Variants in PPM1G observed in about 807,000 individuals in gnomAD.
The protein encoded by PPM1G is protein phosphatase 1G.
PPM1G carries 12 observed loss-of-function variants against 59.4 expected under a neutral mutation model. That is an observed-to-expected ratio of 0.20 (90% CI 0.13 to 0.33). The LOEUF is 0.33. PPM1G is among the 10% of genes least tolerant of loss of function. The pLI, the probability that PPM1G is intolerant of heterozygous loss-of-function variation, is 1.00. For missense variants in PPM1G, 392 were observed against 681.3 expected (o/e 0.58, Z 4.73); for synonymous variants, 245 against 251.9 (o/e 0.97, Z 0.26).
intron 1 of PPM1G, among the ~76,000 whole-genome samples, chr2:27,392,343 G>A (rs1391741420): frequency 7.1e-6 from 1 of 141,212 alleles, no homozygotes; most frequent in Non-Finnish European, 1.5e-5. Flanking sequence ...CACCCAGGCT[G>A]GAGTACAGTG....
rs1683755057 is a variant in PPM1G, at chr2:27,385,974, C to T, written c.277-95G>A. Reference sequence around the variant, plus strand: ...ATGGAATACAAATTAAGAGTGTGAGCCACCACACTAAGAGACACTCACAGA... The same window carrying T: ...ATGGAATACAAATTAAGAGTGTGAGTCACCACACTAAGAGACACTCACAGA... On this transcript the variant is annotated intron_variant, in intron 3 of 9. Coordinates refer to ENST00000344034, the MANE Select transcript of PPM1G (RefSeq NM_177983.3). This position sits in a 1 kb window ranked among gnomAD's most constrained non-coding sequence, Gnocchi z 4.1. 6.3e-6 allele frequency: 9 copies of T among 1,420,952 alleles called. No homozygotes were observed. The South Asian group carries it at 6.7e-5, about 11-fold the overall frequency. The allele number at this position is 1,420,952 out of a possible 1,614,324, so 88.0% of individuals were successfully genotyped here. A position where few individuals can be genotyped will look rare whatever the true frequency, so the allele number is the denominator to read the frequency against.
At chr2:27,388,858 G>C (rs1439871632) in intron 1 of PPM1G, among the ~76,000 whole-genome samples, 1 of 138,290 alleles carries the variant, frequency 7.2e-6, no homozygotes, top group Non-Finnish European at 1.5e-5. Flanking sequence ...CAGGGCGACA[G>C]AGCAAGACTC....
At position 27,392,102 on chromosome 2, in the gene PPM1G, A is replaced by G. The variant is rs554360388; in HGVS notation, c.121-4944T>C. ...GAAATCAGCAGTCTGCAAAAAAAAA[A>G]AAATCAAGAGCTTCCCCTACAGGTC... is the stretch of plus-strand genomic sequence containing the variant. On this transcript the variant is annotated intron_variant, in intron 1 of 9. Transcript: ENST00000344034. 1.8e-3 allele frequency among the ~76,000 whole-genome samples: 266 copies of G among 151,938 alleles called. 1 individual carries two copies. The highest frequency in any genetic ancestry group is 1.1e-3 in the Non-Finnish European group (77 of 67,942).
At position 27,385,164 on chromosome 2, in the gene PPM1G, C is replaced by T; in HGVS notation, c.410-76G>A. 2.7e-6 allele frequency: 4 copies of T among 1,476,648 alleles called. No homozygotes were observed. Among genetic ancestry groups the T allele is most frequent in the South Asian group, 2.7e-5 (2 of 73,202 alleles). 91.5% of individuals were successfully genotyped at this position (1,476,648 alleles called of 1,614,324 possible). On this transcript the variant is annotated intron_variant, in intron 4 of 9. Coordinates refer to ENST00000344034, the MANE Select transcript of PPM1G (RefSeq NM_177983.3). This position sits in a 1 kb window ranked among gnomAD's most constrained non-coding sequence, Gnocchi z 4.1. ...TCCGTCCCTCTCACTACCTCAACAG[C>T]CCTTGCAGCCTCTAACTTCCCCACA...
intron 1 of PPM1G, among the ~76,000 whole-genome samples, chr2:27,396,287 A>T (rs146852126): frequency 2.6e-5 from 4 of 152,264 alleles, no homozygotes; most frequent in Admixed American, 1.3e-4. Flanking sequence ...AATTTTTTTT[A>T]AATTAGGCAG....
chr2:27,381,367 C>G lies in PPM1G; in HGVS notation c.*232G>C, dbSNP rs1057142852. Reference sequence around the variant, plus strand: ...TCCTTCCCTCCAACACAACAGAGCACAGGCACAGAACCGGTGATGAGCCCG... The same window carrying G: ...TCCTTCCCTCCAACACAACAGAGCAGAGGCACAGAACCGGTGATGAGCCCG... On this transcript the variant is annotated 3_prime_UTR_variant, in exon 10 of 10. Transcript: ENST00000344034. The G allele has an allele frequency of 3.5e-6, 2 of 577,926 alleles. No homozygotes were observed. Among genetic ancestry groups the G allele is most frequent in the Non-Finnish European group, 6.2e-6 (2 of 322,266 alleles). 35.8% of individuals were successfully genotyped at this position (577,926 alleles called of 1,614,324 possible).
intron 1 of PPM1G, among the ~76,000 whole-genome samples, chr2:27,400,258 C>T (rs747575492): frequency 6.6e-5 from 10 of 151,720 alleles, no homozygotes; most frequent in South Asian, 2.1e-4. Context: ...AAAATTTAGC[C>T]GGGTGTGATG....
At chr2:27,405,544 A>G (rs1044577315) in intron 1 of PPM1G, among the ~76,000 whole-genome samples, 2 of 151,222 alleles carry the variant, frequency 1.3e-5, no homozygotes, top group East Asian at 2.0e-4. Flanking sequence ...TATTCAAGCA[A>G]TTCTCTGGCC....
chr2:27,401,046 G>A (rs1684167558), intron 1 of PPM1G, among the ~76,000 whole-genome samples: 2 of 152,158 alleles, frequency 1.3e-5, no homozygotes, highest in Non-Finnish European at 2.9e-5. Flanking sequence ...CAGAGATGGT[G>A]AGTGATAACT....
chr2:27,382,353 G>A lies in PPM1G; in HGVS notation c.1331+123C>T. ...GAAATTCTCAGCTCTGCCTTAGTCTGGGTGCTCTTCACCCACCAAGAGGCC... is the reference window on the plus strand; with the variant it reads ...GAAATTCTCAGCTCTGCCTTAGTCTAGGTGCTCTTCACCCACCAAGAGGCC... On this transcript the variant is annotated intron_variant, in intron 8 of 9. Transcript: ENST00000344034. This position sits in a 1 kb window ranked among gnomAD's most constrained non-coding sequence, Gnocchi z 4.2. 3 of 1,553,474 alleles carry A rather than the reference G, an allele frequency of 1.9e-6. No homozygotes were observed. Among genetic ancestry groups the A allele is most frequent in the Non-Finnish European group, 2.6e-6 (3 of 1,135,994 alleles).
chr2:27,392,617 G>C (rs955543049), intron 1 of PPM1G, among the ~76,000 whole-genome samples: 1 of 150,232 alleles, frequency 6.7e-6, no homozygotes, highest in South Asian at 2.1e-4. Context: ...TTTTTGGGGG[G>C]GGGGAGGGTA....
At chr2:27,389,257 C>A (rs1353632146) in intron 1 of PPM1G, among the ~76,000 whole-genome samples, 1 of 152,152 alleles carries the variant, frequency 6.6e-6, no homozygotes, top group Non-Finnish European at 1.5e-5. Flanking sequence ...TATATACACA[C>A]ACACATACAC....
chr2:27,398,281 A>C (rs964262683), intron 1 of PPM1G, among the ~76,000 whole-genome samples: 2 of 152,122 alleles, frequency 1.3e-5, no homozygotes, highest in East Asian at 1.9e-4. Context: ...TTAAACAAAT[A>C]GTGCTGGGAC....
At chr2:27,402,742 A>G (rs1357146544) in intron 1 of PPM1G, among the ~76,000 whole-genome samples, 2 of 151,714 alleles carry the variant, frequency 1.3e-5, no homozygotes, top group African/African-American at 4.8e-5. Flanking sequence ...CGGGAGGCGG[A>G]GCTTGCAGTA....
Position 27,384,180 on chromosome 2 carries a change from G to A in PPM1G, c.826-88C>T, listed in dbSNP as rs111595830. On this transcript the variant is annotated intron_variant, in intron 5 of 9. Coordinates refer to ENST00000344034, the MANE Select transcript of PPM1G (RefSeq NM_177983.3). This position sits in a 1 kb window ranked among gnomAD's most constrained non-coding sequence, Gnocchi z 4.8. ...TACTCAGAATCAAGAGGTCCTGACT[G>A]AACACAGGTCCTCAAAACACTGAAA... 3.2e-4 allele frequency: 499 copies of A among 1,577,236 alleles called. 4 individuals carry two copies. In the African/African-American group the frequency reaches 5.7e-3, roughly 18 times the overall value.
In PPM1G at chr2:27,381,597, T is replaced by C; in HGVS notation, c.*2A>G. The C allele has an allele frequency of 6.2e-7, 1 of 1,614,128 alleles. No homozygotes were observed. The highest frequency in any genetic ancestry group is 8.5e-7 in the Non-Finnish European group (1 of 1,180,032). Reference sequence around the variant, plus strand: ...CTAGGTGGGCAGGGGTCTGGATGACTGCTAGTCTCGCTTGGCCTTCTTCTT... The same window carrying C: ...CTAGGTGGGCAGGGGTCTGGATGACCGCTAGTCTCGCTTGGCCTTCTTCTT... On this transcript the variant is annotated 3_prime_UTR_variant, in exon 10 of 10. Coordinates refer to ENST00000344034, the MANE Select transcript of PPM1G (RefSeq NM_177983.3).
intron 1 of PPM1G, among the ~76,000 whole-genome samples, chr2:27,403,645 G>GGGAGGC (rs1325823903): frequency 6.6e-6 from 1 of 152,082 alleles, no homozygotes; most frequent in Non-Finnish European, 1.5e-5. Context: ...CCAGCACTTT[G>GGGAGGC]GGAGGCGGAG....
Position 27,409,440 on chromosome 2 carries a change from G to T in PPM1G, c.-18C>A. On this transcript the variant is annotated 5_prime_UTR_variant, in exon 1 of 10. Transcript: ENST00000344034. ...GCACCCATGGCGGCGGCTGGCCGGC[G>T]GCCTCAGGTGCAGGAAAGCTGGGCG... 6.7e-7 allele frequency: 1 copy of T among 1,499,978 alleles called. No homozygotes were observed. Among genetic ancestry groups the T allele is most frequent in the Non-Finnish European group, 8.9e-7 (1 of 1,125,718 alleles). 92.9% of individuals were successfully genotyped at this position (1,499,978 alleles called of 1,614,324 possible). A position where few individuals can be genotyped will look rare whatever the true frequency, so the allele number is the denominator to read the frequency against.
Position 27,398,820 on chromosome 2 carries a change from C to CA in PPM1G, c.120+10482dup, listed in dbSNP as rs1001673545. ...CTGGCAACAGAGCGAGACTCCGTCT[C>CA]AAAAAAAAAAAGAAAAAAAAAGAAA... On this transcript the variant is annotated intron_variant, in intron 1 of 9. Transcript: ENST00000344034. Among the ~76,000 whole-genome samples, 204 of 104,238 alleles carry CA rather than the reference C, an allele frequency of 2.0e-3. 2 individuals are homozygous for CA. Among genetic ancestry groups the CA allele is most frequent in the East Asian group, 0.011 (38 of 3,598 alleles). 68.4% of individuals were successfully genotyped at this position (104,238 alleles called of 152,430 possible). A position where few individuals can be genotyped will look rare whatever the true frequency, so the allele number is the denominator to read the frequency against.
Sources: gnomAD v4.1 joint callset for allele counts (sites outside exome capture counted in the v4.1 genomes callset) on GRCh38, gnomAD v4.1.1 for gene constraint, Gnocchi (gnomAD v3.1) non-coding constraint, MANE v1.5 for transcripts, NCBI Gene and HGNC (gene_info 2026-07-23, HGNC 2026-07-21) for gene names.